The following EIPR1 variants were observed in gnomAD, a reference collection of about 807,000 sequenced individuals.
EIPR1 encodes EARP complex and GARP complex interacting protein 1, also known as EARP and GARP complex-interacting protein 1.
Under a neutral mutation model 48.1 loss-of-function variants are expected in EIPR1, and 25 were observed. The ratio of observed to expected loss-of-function variants is 0.52; its 90% CI spans 0.38 to 0.73. The LOEUF (loss-of-function observed/expected upper bound fraction) is 0.73, where lower values mean the gene tolerates loss of function less well. EIPR1 is among the 30% of genes least tolerant of loss of function. The pLI is 0.00. For missense variants in EIPR1, 415 were observed against 506.2 expected, an observed-to-expected ratio of 0.82 and a Z score of 1.73; for synonymous variants, 204 against 201.9, an observed-to-expected ratio of 1.01 and a Z score of -0.09.
chr2:3,287,368 A>G (rs768636819), intron 3 of EIPR1, among the ~76,000 whole-genome samples: 3 of 151,588 alleles, frequency 2.0e-5, no homozygotes, highest in African/African-American at 2.4e-5. Flanking sequence ...CTCGTTCACT[A>G]CGCTCCAGAA....
intron 4 of EIPR1, among the ~76,000 whole-genome samples, chr2:3,222,861 G>A (rs1440389483): frequency 3.9e-5 from 6 of 152,282 alleles, no homozygotes; most frequent in Non-Finnish European, 7.4e-5. Context: ...CAGAAGCTTC[G>A]TGGCTTTCTG....
chr2:3,331,012 G>A (rs991681336), intron 3 of EIPR1, among the ~76,000 whole-genome samples: 1 of 120,302 alleles, frequency 8.3e-6, no homozygotes, highest in Admixed American at 7.8e-5. Flanking sequence ...ACACACTCAT[G>A]AGGTGGTGTG....
chr2:3,293,051 T>C (rs1003786769), intron 3 of EIPR1, among the ~76,000 whole-genome samples: 57 of 152,244 alleles, frequency 3.7e-4, no homozygotes, highest in African/African-American at 1.2e-3. Flanking sequence ...TGCACCCATG[T>C]GCATTCTCCC....
intron 4 of EIPR1, among the ~76,000 whole-genome samples, chr2:3,228,750 G>A (rs1401961284): frequency 1.3e-5 from 2 of 152,188 alleles, no homozygotes; most frequent in Non-Finnish European, 2.9e-5. Flanking sequence ...TTGTGATAAT[G>A]AGTGAGTCTC....
chr2:3,212,326 G>T (rs1319964713), intron 5 of EIPR1, among the ~76,000 whole-genome samples: 3 of 152,170 alleles, frequency 2.0e-5, no homozygotes, highest in Non-Finnish European at 2.9e-5. Flanking sequence ...CCTAACGTGT[G>T]GGGTCTCCTT....
At chr2:3,232,372 G>A (rs1488912119) in intron 4 of EIPR1, among the ~76,000 whole-genome samples, 1 of 151,864 alleles carries the variant, frequency 6.6e-6, no homozygotes, top group East Asian at 1.9e-4. Flanking sequence ...CCTTCCTCTA[G>A]TCCCTGATGT....
At chr2:3,357,751 C>A (rs1670763173) in intron 1 of EIPR1, among the ~76,000 whole-genome samples, 1 of 152,280 alleles carries the variant, frequency 6.6e-6, no homozygotes, top group African/African-American at 2.4e-5. Context: ...GCCCAATTCA[C>A]GAATTGATCA....
chr2:3,310,299 C>A (rs1669083389), intron 3 of EIPR1, among the ~76,000 whole-genome samples: 1 of 152,104 alleles, frequency 6.6e-6, no homozygotes, highest in Non-Finnish European at 1.5e-5. Context: ...AAAAATCTTC[C>A]TTTTTAATAT....
intron 8 of EIPR1, among the ~76,000 whole-genome samples, chr2:3,190,027 G>A (rs1245231282): frequency 6.6e-6 from 1 of 152,092 alleles, no homozygotes; most frequent in Admixed American, 6.5e-5. Flanking sequence ...GCTGGGCTGA[G>A]GATCCCCCAG....
chr2:3,238,928 A>G (rs1666504207), intron 4 of EIPR1, among the ~76,000 whole-genome samples: 1 of 152,212 alleles, frequency 6.6e-6, no homozygotes, highest in African/African-American at 2.4e-5. Flanking sequence ...GGAGCCAGCC[A>G]GCCCGGGATG....
At chr2:3,208,822 G>A (rs1001290921) in intron 5 of EIPR1, 329 of 1,550,408 alleles carry the variant, frequency 2.1e-4, no homozygotes, top group African/African-American at 7.3e-4. Context: ...AGTGAGGCCC[G>A]TGGCAGGTGC....
chr2:3,337,996 C>T, intron 3 of EIPR1, 21 bp downstream of exon 3: 1 of 1,582,204 alleles, frequency 6.3e-7, no homozygotes, highest in African/African-American at 1.4e-5. Context: ...TTAGCAAGTA[C>T]CTTAGAAAAG....
chr2:3,262,737 GAAC>G (rs1667372081), intron 3 of EIPR1, among the ~76,000 whole-genome samples: 1 of 152,226 alleles, frequency 6.6e-6, no homozygotes, highest in Non-Finnish European at 1.5e-5. Flanking sequence ...CTGCAGCACA[GAAC>G]CATGTCTTTT....
At chr2:3,358,705 G>A (rs186527145) in intron 1 of EIPR1, among the ~76,000 whole-genome samples, 208 of 152,276 alleles carry the variant, frequency 1.4e-3, no homozygotes, top group Non-Finnish European at 1.9e-3. Flanking sequence ...AACAGCTCTG[G>A]CTTGGAGAAA....
At chr2:3,328,879 C>T (rs200531896) in intron 3 of EIPR1, among the ~76,000 whole-genome samples, 214 of 82,926 alleles carry the variant, frequency 2.6e-3, no homozygotes, top group East Asian at 2.9e-3. Context: ...CCACCCACCA[C>T]ACTCTAATGA....
intron 8 of EIPR1, among the ~76,000 whole-genome samples, chr2:3,190,962 C>CA (rs70938919): frequency 0.88 from 133,577 of 152,182 alleles, 59,143 homozygotes; most frequent in Middle Eastern, 0.92. Context: ...GACATGGTGC[C>CA]ATGGGCCTGT....
At chr2:3,235,631 A>G (rs897422340) in intron 4 of EIPR1, among the ~76,000 whole-genome samples, 4 of 152,236 alleles carry the variant, frequency 2.6e-5, no homozygotes, top group Admixed American at 6.5e-5. Context: ...AGAAGTCTCA[A>G]ATGAACTTAA....
intron 3 of EIPR1, among the ~76,000 whole-genome samples, chr2:3,294,945 TACA>T (rs1391759186): frequency 3.0e-5 from 2 of 66,292 alleles, no homozygotes; most frequent in African/African-American, 6.6e-5. Flanking sequence ...CCATCCTCTC[TACA>T]CACACACACA....
chr2:3,197,625 C>G (rs1402933398), intron 5 of EIPR1, among the ~76,000 whole-genome samples: 2 of 152,240 alleles, frequency 1.3e-5, no homozygotes, highest in Non-Finnish European at 2.9e-5. Flanking sequence ...GCAAGAAGAT[C>G]CCCAGCTCGT....
Sources: allele counts gnomAD v4.1 joint callset (sites outside exome capture counted in the v4.1 genomes callset), GRCh38; gene constraint gnomAD v4.1.1; transcripts MANE v1.5; gene names NCBI Gene and HGNC (gene_info 2026-07-23, HGNC 2026-07-21).